Variants in PRICKLE2 observed in about 807,000 individuals in gnomAD.
PRICKLE2 encodes prickle planar cell polarity protein 2, also known as prickle-like protein 2.
In PRICKLE2, 21 loss-of-function variants were observed where a neutral mutation model predicts 81.4. The ratio of observed to expected loss-of-function variants is 0.26; its 90% CI spans 0.18 to 0.37. The LOEUF is 0.37. Ranked by LOEUF, PRICKLE2 falls within the 10% of genes least tolerant of loss-of-function variation. PRICKLE2 has a pLI of 1.00. For missense variants in PRICKLE2, 940 were observed against 1,109.0 expected (o/e 0.85, Z 2.16); for synonymous variants, 456 against 421.5 (o/e 1.08, Z -1.00).
intron 2 of PRICKLE2, among the ~76,000 whole-genome samples, chr3:64,241,254 G>C (rs1289748597): frequency 6.6e-6 from 1 of 152,204 alleles, no homozygotes; most frequent in African/African-American, 2.4e-5. Context: ...GATACGCTGA[G>C]CTCAAGCTCC....
chr3:64,186,480 C>T (rs183692356), intron 2 of PRICKLE2, among the ~76,000 whole-genome samples: 9 of 152,254 alleles, frequency 5.9e-5, no homozygotes, highest in African/African-American at 2.2e-4. Context: ...CAGAAGTTAT[C>T]GGAGGCCAGC....
Position 64,099,829 on chromosome 3 carries a change from T to G in PRICKLE2, c.1757A>C (p.Lys586Thr). 1 of 1,614,188 alleles carries G rather than the reference T, an allele frequency of 6.2e-7. No individual in the cohort carries two copies. The highest frequency in any genetic ancestry group is 8.5e-7 in the Non-Finnish European group (1 of 1,180,034). ...GTTAAGAGTGCCCATGTTGCTCAGC[T>G]TCTCAGACACATTCATTCCAGAGTC... ...SKDSGMNVSEKLSNMGTLNSS... is the reference protein window; with the variant it reads ...SKDSGMNVSETLSNMGTLNSS... The change falls in exon 8 of 8, where the codon AAG becomes ACG. Residue 586 changes from lysine to threonine, a missense_variant. Lys to Thr is a moderately conservative substitution (Grantham distance 78). This residue lies in a region of PRICKLE2 where 670 missense variants were observed against 717.2 expected (regional missense o/e 0.93). Transcript: ENST00000638394. This position sits in a 1 kb window ranked among gnomAD's most constrained non-coding sequence, Gnocchi z 4.3.
chr3:64,151,266 AC>A lies in PRICKLE2; in HGVS notation c.787+1915del, dbSNP rs1303774838. On this transcript the variant is annotated intron_variant, in intron 6 of 7. Transcript: ENST00000638394. ...TGTTTGGTAAAAAAGTGGATTTAAA[AC>A]AAACATTAGGGACAGCATTTTAACT... Among the ~76,000 whole-genome samples, 4 of 152,244 alleles carry A rather than the reference AC, an allele frequency of 2.6e-5. No individual in the cohort carries two copies. In the East Asian group the frequency reaches 5.8e-4, roughly 22 times the overall value.
intron 4 of PRICKLE2, 44 bp downstream of exon 4, chr3:64,159,896 G>C: frequency 6.2e-7 from 1 of 1,613,118 alleles, no homozygotes; most frequent in Non-Finnish European, 8.5e-7. Flanking sequence ...TGGGTGAAAA[G>C]ATGCCAGAAC....
intron 2 of PRICKLE2, 74 bp from the exon 3 acceptor site, chr3:64,163,203 T>G: frequency 3.4e-6 from 3 of 890,642 alleles, no homozygotes; most frequent in Non-Finnish European, 5.8e-6. Flanking sequence ...ACTGGGAAGA[T>G]GATTCCCCCA....
chr3:64,216,053 T>TC (rs2078867189), intron 1 of PRICKLE2, among the ~76,000 whole-genome samples: 1 of 152,350 alleles, frequency 6.6e-6, no homozygotes, highest in African/African-American at 2.4e-5. Flanking sequence ...GGTAACTCTC[T>TC]CCTTCTAGCT....
intron 2 of PRICKLE2, among the ~76,000 whole-genome samples, chr3:64,176,461 T>A (rs1575622046): frequency 1.3e-5 from 2 of 149,102 alleles, no homozygotes; most frequent in South Asian, 4.4e-4. Context: ...CACAGGGTTA[T>A]GCAAAGCCAG....
rs375272463 is a variant in PRICKLE2, at chr3:64,231,976, GTTCCCAT to G, written c.129-33016_129-33010del. On this transcript the variant is annotated intron_variant, in intron 2 of 8. Coordinates refer to the PRICKLE2 transcript ENST00000295902. ...GAAAACAAAAACAAAAACCAGGTGT[GTTCCCAT>G]TAGGGTGTGAAGTGTGGGAAATAAT... Among the ~76,000 whole-genome samples, 119 of 152,302 alleles carry G rather than the reference GTTCCCAT, an allele frequency of 7.8e-4. 1 individual carries two copies. The highest frequency in any genetic ancestry group is 2.7e-3 in the African/African-American group (114 of 41,576).
chr3:64,261,884 T>C (rs374829006), intron 2 of PRICKLE2, among the ~76,000 whole-genome samples: 8 of 152,234 alleles, frequency 5.3e-5, no homozygotes, highest in African/African-American at 1.9e-4. Flanking sequence ...TTAAACAGGG[T>C]CATGTTATGA....
intron 1 of PRICKLE2, chr3:64,199,667 A>T (rs1335509339): frequency 6.6e-6 from 1 of 152,254 alleles, no homozygotes; most frequent in Non-Finnish European, 1.5e-5. Context: ...TTCAAAAGGT[A>T]GCAGCCAAAG....
intron 2 of PRICKLE2, among the ~76,000 whole-genome samples, chr3:64,259,729 A>G (rs2079588356): frequency 6.6e-6 from 1 of 152,154 alleles, no homozygotes. Context: ...ACATGCACAG[A>G]GGGGAAAGCA....
chr3:64,099,620 C>T lies in PRICKLE2; in HGVS notation c.1966G>A (p.Gly656Arg). ...GGCTGGATCCTCACGCCCTCCTGCC[C>T]TGGCAGCTTGCTGCCCGCCATCCCT... Reference protein sequence around the residue: ...DGGMAGSKLPGQEGVRIQPMS... With the variant: ...DGGMAGSKLPRQEGVRIQPMS... The change falls in exon 8 of 8, where the codon GGG (glycine) becomes AGG (arginine). Residue 656 changes from glycine (G) to arginine (R), a missense_variant. Gly to Arg is a moderately radical substitution (Grantham distance 125). Coordinates refer to ENST00000638394, the MANE Select transcript of PRICKLE2 (RefSeq NM_198859.4). The surrounding 1 kb of genome is among the most constrained non-coding windows in gnomAD (Gnocchi z 4.3). 1 of 1,614,054 alleles carries T rather than the reference C, an allele frequency of 6.2e-7. No individual in the cohort carries two copies. The highest frequency in any genetic ancestry group is 8.5e-7 in the Non-Finnish European group (1 of 1,180,042).
chr3:64,258,838 AAAAAAAAAAAGAAAGAAAGAAAGAAAG>A (rs1303976678), intron 2 of PRICKLE2, among the ~76,000 whole-genome samples: 3 of 129,350 alleles, frequency 2.3e-5, no homozygotes, highest in African/African-American at 9.0e-5. Context: ...AAAAAAAAAA[AAAAAAAAAAAGAAAGAAAGAAAGAAAG>A]AAAGAAAGAA....
chr3:64,192,998 T>C (rs1475707537), intron 2 of PRICKLE2, among the ~76,000 whole-genome samples: 1 of 152,134 alleles, frequency 6.6e-6, no homozygotes, highest in African/African-American at 2.4e-5. Flanking sequence ...TTGCATCCAA[T>C]GAAAGCTATC....
At chr3:64,152,018 T>C (rs1299933807) in intron 6 of PRICKLE2, among the ~76,000 whole-genome samples, 2 of 152,210 alleles carry the variant, frequency 1.3e-5, no homozygotes, top group African/African-American at 4.8e-5. Context: ...CAAAGCACCG[T>C]TGAGCACACG....
Position 64,157,172 on chromosome 3 carries a change from G to A in PRICKLE2, c.590C>T (p.Ala197Val), listed in dbSNP as rs1224943662. ...HAECLKPRCA[A>V]CDEIIFADEC... ...GGAGTTTGCTCTAACCTCATCGCAGGCAGCACAGCGCGGCTTCAGGCACTC... is the reference window on the plus strand; with the variant it reads ...GGAGTTTGCTCTAACCTCATCGCAGACAGCACAGCGCGGCTTCAGGCACTC... The change falls in exon 5 of 8, where the codon GCC becomes GTC. Residue 197 changes from alanine (A) to valine (V), a missense_variant. Transcript: ENST00000638394. 2 of 1,613,900 alleles carry A rather than the reference G, an allele frequency of 1.2e-6. No individual in the cohort carries two copies. Among genetic ancestry groups the A allele is most frequent in the Non-Finnish European group, 8.5e-7 (1 of 1,179,902 alleles).
chr3:64,220,284 C>T (rs990786603), intron 1 of PRICKLE2, among the ~76,000 whole-genome samples: 2 of 152,152 alleles, frequency 1.3e-5, no homozygotes, highest in African/African-American at 4.8e-5. Context: ...CCCTGGCTAC[C>T]CTTAACCCTG....
chr3:64,157,079 T>G, intron 5 of PRICKLE2, 83 bp downstream of exon 5: 2 of 1,313,158 alleles, frequency 1.5e-6, no homozygotes, highest in Non-Finnish European at 1.1e-6. Flanking sequence ...CTTTCTTCAG[T>G]GCAGAAAGCC....
chr3:64,144,724 A>G (rs12495039), intron 7 of PRICKLE2, among the ~76,000 whole-genome samples: 10,664 of 152,330 alleles, frequency 0.07, 470 homozygotes, highest in Non-Finnish European at 0.1. Flanking sequence ...TCCCTTGTGG[A>G]CCGACATATG....
Sources: allele counts gnomAD v4.1 joint callset (sites outside exome capture counted in the v4.1 genomes callset), GRCh38; gene constraint gnomAD v4.1.1; regional missense constraint gnomAD v4.1.1; non-coding constraint Gnocchi (gnomAD v3.1); transcripts MANE v1.5; gene names NCBI Gene and HGNC (gene_info 2026-07-23, HGNC 2026-07-21).